The following PTPRM variants were observed in gnomAD, a reference collection of about 807,000 sequenced individuals.
The protein encoded by PTPRM is protein tyrosine phosphatase receptor type M, also known as receptor-type tyrosine-protein phosphatase mu.
A neutral mutation model predicts 186.7 loss-of-function variants in PTPRM; 47 were observed. The ratio of observed to expected loss-of-function variants is 0.25; its 90% CI spans 0.20 to 0.32. The LOEUF is 0.32. Ranked by LOEUF, PTPRM falls within the 10% of genes least tolerant of loss-of-function variation. PTPRM has a pLI of 1.00. For synonymous variants in PTPRM, 668 were observed against 674.9 expected (o/e 0.99, Z 0.16); for missense variants, 1,494 against 1,865.0 (o/e 0.80, Z 3.66).
intron 7 of PTPRM, among the ~76,000 whole-genome samples, chr18:7,967,170 T>G (rs2054178254): frequency 2.5e-5 from 1 of 39,230 alleles, no homozygotes; most frequent in African/African-American, 7.4e-5. Flanking sequence ...GCAGCCTAAC[T>G]GGGAGGCACC....
chr18:7,845,692 G>A (rs1434724216), intron 2 of PTPRM, among the ~76,000 whole-genome samples: 6 of 151,802 alleles, frequency 4.0e-5, no homozygotes, highest in Non-Finnish European at 8.8e-5. Context: ...TTTGCCCTTC[G>A]TATTTCAATG....
At chr18:8,279,771 C>T (rs1030137086) in intron 19 of PTPRM, among the ~76,000 whole-genome samples, 11 of 152,248 alleles carry the variant, frequency 7.2e-5, no homozygotes, top group South Asian at 2.1e-4. Flanking sequence ...CTCAGCCTGC[C>T]GAGGGAGAGC....
chr18:7,741,136 A>G (rs901979108), intron 1 of PTPRM, among the ~76,000 whole-genome samples: 6 of 152,202 alleles, frequency 3.9e-5, no homozygotes, highest in Admixed American at 1.3e-4. Flanking sequence ...CATTTTTATA[A>G]TGGGTAAACA....
chr18:7,874,593 A>G (rs1321784744), intron 2 of PTPRM, among the ~76,000 whole-genome samples: 1 of 152,148 alleles, frequency 6.6e-6, no homozygotes, highest in Non-Finnish European at 1.5e-5. Context: ...ACCTCTATGA[A>G]AAACGAGTTT....
chr18:8,075,432 G>T (rs994172967), intron 8 of PTPRM, among the ~76,000 whole-genome samples: 4 of 151,976 alleles, frequency 2.6e-5, no homozygotes, highest in Admixed American at 6.6e-5. Flanking sequence ...GTGATCATGT[G>T]CCCCAAAATA....
At chr18:8,342,381 A>G (rs182386660) in intron 22 of PTPRM, among the ~76,000 whole-genome samples, 49 of 152,372 alleles carry the variant, frequency 3.2e-4, no homozygotes, top group African/African-American at 1.2e-3. Flanking sequence ...AAGAAAGAAG[A>G]CATTGAAACT....
At chr18:8,141,055 G>A (rs575840398) in intron 13 of PTPRM, among the ~76,000 whole-genome samples, 5 of 152,246 alleles carry the variant, frequency 3.3e-5, no homozygotes, top group Admixed American at 6.5e-5. Flanking sequence ...TGTTCCCAAA[G>A]CAATAAAAGA....
intron 2 of PTPRM, among the ~76,000 whole-genome samples, chr18:7,848,352 G>C (rs1263107666): frequency 6.6e-6 from 1 of 152,196 alleles, no homozygotes; most frequent in Non-Finnish European, 1.5e-5. Flanking sequence ...AGCCATGCTG[G>C]TTGTCATGTT....
In PTPRM at chr18:8,344,149, G is replaced by C. The variant is rs548716683; in HGVS notation, c.3054+629G>C. On this transcript the variant is annotated intron_variant, in intron 23 of 32. Coordinates refer to ENST00000580170, the MANE Select transcript of PTPRM (RefSeq NM_001105244.2). The stretch of plus-strand genomic sequence containing the variant: ...ATTTTAAAATGAGCAAACACACAGC[G>C]TGCAGTTGCCTTTTTTACAGTAGGT... 2.0e-5 allele frequency among the ~76,000 whole-genome samples: 3 copies of C among 152,244 alleles called. 1 individual carries two copies. In the South Asian group the frequency reaches 6.2e-4, roughly 32 times the overall value.
Position 7,844,480 on chromosome 18 carries a change from C to T in PTPRM, c.197-43626C>T, listed in dbSNP as rs186470192. Among the ~76,000 whole-genome samples, 5 of 152,242 alleles carry T rather than the reference C, an allele frequency of 3.3e-5. No homozygotes were observed. In the East Asian group the frequency reaches 5.8e-4, roughly 18 times the overall value. ...GAGACAAGTTATCTCCCTCCCACCC[C>T]CTCAACATGCAATGGTAGGACGGGC... is the stretch of plus-strand genomic sequence containing the variant. On this transcript the variant is annotated intron_variant, in intron 2 of 32. Transcript: ENST00000580170.
intron 14 of PTPRM, among the ~76,000 whole-genome samples, chr18:8,151,071 T>C (rs1426594953): frequency 6.6e-6 from 1 of 152,118 alleles, no homozygotes; most frequent in Non-Finnish European, 1.5e-5. Context: ...TGTCGGCCCC[T>C]ACTGGGAGGT....
Position 7,888,122 on chromosome 18 carries a change from G to A in PTPRM, c.213G>A (p.Val71=). The stretch of plus-strand genomic sequence containing the variant: ...TTTTTGCAGGTTCTTTCATGCTGGT[G>A]AATGCCTCTGGGAGACCTGAGGGGC... ...PWMPSGSFML[V]NASGRPEGQR... The change falls in exon 3 of 33, where the codon GTG becomes GTA. Residue 71 remains valine, a synonymous_variant. Transcript: ENST00000580170. 6.2e-7 allele frequency: 1 copy of A among 1,614,134 alleles called. No homozygotes were observed. Among genetic ancestry groups the A allele is most frequent in the Admixed American group, 1.7e-5 (1 of 60,026 alleles).
intron 29 of PTPRM, among the ~76,000 whole-genome samples, chr18:8,383,018 G>A (rs1054421165): frequency 2.0e-5 from 3 of 152,070 alleles, no homozygotes; most frequent in South Asian, 2.1e-4. Flanking sequence ...AGTTAGATGC[G>A]GCCAGGCGCA....
intron 1 of PTPRM, among the ~76,000 whole-genome samples, chr18:7,603,992 A>T (rs993396386): frequency 3.3e-5 from 5 of 152,346 alleles, no homozygotes; most frequent in African/African-American, 9.6e-5. Flanking sequence ...TTTGATGCCA[A>T]CATAATTATT....
chr18:8,301,937 C>G (rs2095162585), intron 20 of PTPRM, among the ~76,000 whole-genome samples: 1 of 152,174 alleles, frequency 6.6e-6, no homozygotes, highest in African/African-American at 2.4e-5. Flanking sequence ...AGGAGTGTGG[C>G]CGCCCAGGTG....
chr18:7,684,418 G>C (rs570022966), intron 1 of PTPRM, among the ~76,000 whole-genome samples: 1 of 152,212 alleles, frequency 6.6e-6, no homozygotes, highest in Non-Finnish European at 1.5e-5. Flanking sequence ...TGTTATTGTT[G>C]ATTATGGTAC....
At chr18:8,068,120 A>G (rs1230787882) in intron 7 of PTPRM, among the ~76,000 whole-genome samples, 1 of 152,186 alleles carries the variant, frequency 6.6e-6, no homozygotes, top group African/African-American at 2.4e-5. Context: ...TTTTATGTCT[A>G]TATATTAGAA....
chr18:8,118,590 A>G (rs1244877696), intron 13 of PTPRM, among the ~76,000 whole-genome samples: 2 of 152,162 alleles, frequency 1.3e-5, no homozygotes, highest in African/African-American at 4.8e-5. Context: ...ACCTGAGGTC[A>G]GGAGTTCAAG....
chr18:8,088,093 G>A (rs10084009), intron 10 of PTPRM, among the ~76,000 whole-genome samples: 3,392 of 152,222 alleles, frequency 0.022, 54 homozygotes, highest in African/African-American at 0.047. Context: ...AACGTAGAGG[G>A]TAGTTCCCCC....
Sources: gnomAD v4.1 joint callset for allele counts (sites outside exome capture counted in the v4.1 genomes callset) on GRCh38, gnomAD v4.1.1 for gene constraint, MANE v1.5 for transcripts, NCBI Gene and HGNC (gene_info 2026-07-23, HGNC 2026-07-21) for gene names.